DCC: variants seen among roughly 807,000 people sequenced by gnomAD.
DCC encodes the protein netrin receptor DCC.
DCC carries 58 observed loss-of-function variants against 172.5 expected under a neutral mutation model. The observed-to-expected ratio is 0.34, with a 90% CI of 0.27 to 0.42. The LOEUF (loss-of-function observed/expected upper bound fraction) is 0.42, where lower values mean the gene tolerates loss of function less well. Ranked by LOEUF, DCC falls within the 10% of genes least tolerant of loss-of-function variation. The pLI is 1.00. For missense variants in DCC, 1,740 were observed against 1,791.0 expected, an observed-to-expected ratio of 0.97 and a Z score of 0.51; for synonymous variants, 709 against 644.5, an observed-to-expected ratio of 1.10 and a Z score of -1.52.
chr18:52,800,339 GT>G (rs2037960866), intron 2 of DCC, among the ~76,000 whole-genome samples: 1 of 152,152 alleles, frequency 6.6e-6, no homozygotes, highest in Non-Finnish European at 1.5e-5. Flanking sequence ...CTTCTGTGAA[GT>G]TTTTACAGAC....
chr18:53,066,285 G>T, intron 7 of DCC, 119 bp downstream of exon 7: 2 of 904,420 alleles, frequency 2.2e-6, no homozygotes, highest in Non-Finnish European at 3.5e-6. Flanking sequence ...AAATCATTTA[G>T]TTAATTAAGG....
At chr18:52,931,765 A>G (rs1285385378) in intron 5 of DCC, 2 of 152,076 alleles carry the variant, frequency 1.3e-5, no homozygotes, top group Admixed American at 1.3e-4. Context: ...ATAGCCATTT[A>G]TGGTAGCATT....
intron 7 of DCC, among the ~76,000 whole-genome samples, chr18:53,098,331 T>C (rs1282360485): frequency 6.6e-6 from 1 of 152,174 alleles, no homozygotes; most frequent in African/African-American, 2.4e-5. Context: ...TTGCCGATTA[T>C]CCCAATAATA....
At chr18:52,917,770 G>A (rs978874713) in intron 3 of DCC, among the ~76,000 whole-genome samples, 1 of 152,108 alleles carries the variant, frequency 6.6e-6, no homozygotes, top group Non-Finnish European at 1.5e-5. Flanking sequence ...ACTGCCACCA[G>A]GATAACAAAC....
chr18:52,387,195 A>T (rs1442761892), intron 1 of DCC, among the ~76,000 whole-genome samples: 1 of 152,162 alleles, frequency 6.6e-6, no homozygotes, highest in Non-Finnish European at 1.5e-5. Flanking sequence ...CTAATGTACT[A>T]AGCAGTGAGT....
At chr18:53,082,033 T>G (rs1242656569) in intron 7 of DCC, among the ~76,000 whole-genome samples, 2 of 152,206 alleles carry the variant, frequency 1.3e-5, no homozygotes, top group East Asian at 3.9e-4. Flanking sequence ...TAAGAGTGCT[T>G]AATCTAAAAT....
intron 1 of DCC, among the ~76,000 whole-genome samples, chr18:52,695,990 C>A (rs1367799043): frequency 6.6e-6 from 1 of 152,138 alleles, no homozygotes; most frequent in Non-Finnish European, 1.5e-5. Flanking sequence ...ACCCCATACT[C>A]AAAGTTTTTA....
intron 1 of DCC, among the ~76,000 whole-genome samples, chr18:52,494,264 A>ATGTGTGTGTGTGTGTGTG (rs10633986): frequency 0.049 from 7,268 of 147,302 alleles, 210 homozygotes; most frequent in Non-Finnish European, 0.063. Context: ...ATGGTTTGTG[A>ATGTGTGTGTGTGTGTGTG]TGTGTGTGTG....
At chr18:52,496,220 C>G (rs994585232) in intron 1 of DCC, among the ~76,000 whole-genome samples, 1 of 152,060 alleles carries the variant, frequency 6.6e-6, no homozygotes, top group Admixed American at 6.6e-5. Context: ...AAGGTAAATA[C>G]AGGCCAAAGA....
intron 1 of DCC, among the ~76,000 whole-genome samples, chr18:52,495,931 A>G (rs7238242): frequency 0.53 from 80,939 of 151,722 alleles, 21,774 homozygotes; most frequent in East Asian, 0.65. Flanking sequence ...TTTACCATCT[A>G]TCAAATGGGG....
intron 1 of DCC, among the ~76,000 whole-genome samples, chr18:52,699,124 A>G (rs1469367517): frequency 2.0e-5 from 3 of 152,210 alleles, no homozygotes; most frequent in African/African-American, 7.2e-5. Flanking sequence ...CAGAATTACA[A>G]CAAGGTATGA....
chr18:53,261,529 T>C (rs1424706694), intron 12 of DCC, among the ~76,000 whole-genome samples: 1 of 152,152 alleles, frequency 6.6e-6, no homozygotes, highest in African/African-American at 2.4e-5. Flanking sequence ...TCACTGTTCC[T>C]GCTTGTTTTG....
At chr18:52,830,579 G>A (rs2038595765) in intron 2 of DCC, among the ~76,000 whole-genome samples, 1 of 150,302 alleles carries the variant, frequency 6.7e-6, no homozygotes, top group Non-Finnish European at 1.5e-5. Context: ...TTTTCTAATA[G>A]ACTAATACCT....
intron 27 of DCC, among the ~76,000 whole-genome samples, chr18:53,516,087 G>T (rs918847120): frequency 6.8e-6 from 1 of 146,228 alleles, no homozygotes; most frequent in Non-Finnish European, 1.5e-5. Context: ...GGATGGTACT[G>T]GTACCAAAAC....
intron 5 of DCC, among the ~76,000 whole-genome samples, chr18:52,932,303 G>A (rs1348815115): frequency 6.6e-6 from 1 of 152,084 alleles, no homozygotes; most frequent in East Asian, 1.9e-4. Flanking sequence ...CTTTTACCCA[G>A]CTCCACACAG....
At chr18:52,868,283 T>C (rs1040285758) in intron 2 of DCC, among the ~76,000 whole-genome samples, 1 of 152,092 alleles carries the variant, frequency 6.6e-6, no homozygotes, top group Non-Finnish European at 1.5e-5. Context: ...AGGTATAAAA[T>C]AAGTTAAAAC....
intron 12 of DCC, among the ~76,000 whole-genome samples, chr18:53,302,427 C>A (rs1040711387): frequency 6.6e-6 from 1 of 152,128 alleles, no homozygotes; most frequent in Non-Finnish European, 1.5e-5. Flanking sequence ...TTTGCCTATT[C>A]TTTAACTTCA....
At chr18:52,399,568 T>G (rs1034156130) in intron 1 of DCC, among the ~76,000 whole-genome samples, 3 of 151,906 alleles carry the variant, frequency 2.0e-5, no homozygotes, top group Admixed American at 1.3e-4. Context: ...AAAAATCTAT[T>G]TTTTTAGAGT....
At chr18:52,686,985 C>A (rs1034188541) in intron 1 of DCC, among the ~76,000 whole-genome samples, 4 of 152,098 alleles carry the variant, frequency 2.6e-5, no homozygotes, top group African/African-American at 9.7e-5. Flanking sequence ...TTCCAGGATC[C>A]TTTTCCATGG....
Sources: allele counts gnomAD v4.1 joint callset (sites outside exome capture counted in the v4.1 genomes callset), GRCh38; gene constraint gnomAD v4.1.1; transcripts MANE v1.5; gene names NCBI Gene and HGNC (gene_info 2026-07-23, HGNC 2026-07-21).